The following EXOC4 variants were observed in gnomAD, a reference collection of about 807,000 sequenced individuals.
EXOC4 encodes SEC8-like 1.
EXOC4 carries 71 observed loss-of-function variants against 107.2 expected under a neutral mutation model. The ratio of observed to expected loss-of-function variants is 0.66; its 90% CI spans 0.55 to 0.81. EXOC4 has a LOEUF of 0.81. Ranked by LOEUF, EXOC4 falls within the 30% of genes least tolerant of loss-of-function variation. The pLI is 0.00. For missense variants in EXOC4, 1,108 were observed against 1,189.6 expected (o/e 0.93, Z 1.01); for synonymous variants, 456 against 441.2 (o/e 1.03, Z -0.42).
At chr7:133,957,201 G>A (rs562118432) in intron 14 of EXOC4, among the ~76,000 whole-genome samples, 9 of 152,020 alleles carry the variant, frequency 5.9e-5, no homozygotes, top group Non-Finnish European at 1.3e-4. Flanking sequence ...TCATTGAATG[G>A]ATTGTTCACA....
At chr7:133,265,117 CG>C (rs1401166867) in intron 1 of EXOC4, among the ~76,000 whole-genome samples, 1 of 151,870 alleles carries the variant, frequency 6.6e-6, no homozygotes, top group African/African-American at 2.4e-5. Context: ...TTTCTTGCAT[CG>C]GGATGAGTAG....
intron 7 of EXOC4, among the ~76,000 whole-genome samples, chr7:133,380,930 C>G (rs929400031): frequency 2.6e-5 from 4 of 152,152 alleles, no homozygotes; most frequent in African/African-American, 2.4e-5. Context: ...TGGCAGTGTT[C>G]TTTGCATTTT....
chr7:133,414,793 A>G (rs898528149), intron 7 of EXOC4, among the ~76,000 whole-genome samples: 2 of 152,176 alleles, frequency 1.3e-5, no homozygotes, highest in African/African-American at 2.4e-5. Context: ...CATACAGTTT[A>G]CCAATTCAAA....
intron 7 of EXOC4, among the ~76,000 whole-genome samples, chr7:133,470,474 G>A (rs1211000264): frequency 6.6e-6 from 1 of 152,098 alleles, no homozygotes; most frequent in Non-Finnish European, 1.5e-5. Context: ...AAAACACTCT[G>A]TATCTTTATT....
chr7:134,027,833 C>G (rs1232357308), intron 17 of EXOC4, among the ~76,000 whole-genome samples: 1 of 152,082 alleles, frequency 6.6e-6, no homozygotes, highest in Non-Finnish European at 1.5e-5. Flanking sequence ...TGAGTAGGAC[C>G]TTAGAGATGG....
In EXOC4 at chr7:133,274,870, A is replaced by G. The variant is rs565237492; in HGVS notation, c.87-112A>G. ...TTGTAACTTATTTCATTTCCTAGTT[A>G]ATAAGATGAATGTGCTTCACCTTCC... On this transcript the variant is annotated intron_variant, in intron 1 of 17. Transcript: ENST00000253861. The G allele has an allele frequency of 9.8e-5, 77 of 786,198 alleles. 1 individual carries two copies. In the Admixed American group the frequency reaches 1.4e-3, roughly 15 times the overall value. The allele number at this position is 786,198 out of a possible 1,614,324, so 48.7% of individuals were successfully genotyped here.
intron 10 of EXOC4, among the ~76,000 whole-genome samples, chr7:133,777,610 G>A (rs531327221): frequency 2.0e-5 from 3 of 152,348 alleles, no homozygotes; most frequent in Admixed American, 6.5e-5. Context: ...GTAGTAGAAA[G>A]TGGATGAGTA....
intron 12 of EXOC4, among the ~76,000 whole-genome samples, chr7:133,904,677 G>A (rs555219276): frequency 8.5e-5 from 13 of 152,264 alleles, no homozygotes; most frequent in South Asian, 6.2e-4. Flanking sequence ...TCTCAGGATT[G>A]GGAAAAGTAT....
At chr7:134,031,899 G>A (rs868277636) in intron 17 of EXOC4, among the ~76,000 whole-genome samples, 1 of 152,174 alleles carries the variant, frequency 6.6e-6, no homozygotes, top group African/African-American at 2.4e-5. Flanking sequence ...AATAAGCAGT[G>A]AGTTTGTAAA....
chr7:133,577,445 T>G (rs1184662554), intron 9 of EXOC4, among the ~76,000 whole-genome samples: 1 of 152,218 alleles, frequency 6.6e-6, no homozygotes, highest in African/African-American at 2.4e-5. Context: ...TTCCAATGAT[T>G]ACTATCAAAT....
intron 13 of EXOC4, among the ~76,000 whole-genome samples, chr7:133,935,139 T>C (rs982750076): frequency 6.6e-6 from 1 of 151,994 alleles, no homozygotes; most frequent in Non-Finnish European, 1.5e-5. Context: ...CCCACCATCT[T>C]TGGGCTCCAT....
intron 10 of EXOC4, among the ~76,000 whole-genome samples, chr7:133,655,390 T>C (rs903883399): frequency 3.9e-5 from 6 of 152,184 alleles, no homozygotes; most frequent in Admixed American, 2.6e-4. Context: ...TACACTGTTA[T>C]TAGCTATAGT....
intron 14 of EXOC4, among the ~76,000 whole-genome samples, chr7:133,989,618 A>G (rs1261841290): frequency 2.0e-5 from 3 of 152,338 alleles, no homozygotes. Flanking sequence ...ATTCAGAGAT[A>G]GCAGAGAGCC....
rs200873502 is a variant in EXOC4, at chr7:134,007,713, T to C, written c.2565T>C (p.Gly855=). The C allele has an allele frequency of 1.7e-5, 28 of 1,613,454 alleles. No homozygotes were observed. Among genetic ancestry groups the C allele is most frequent in the Non-Finnish European group, 2.4e-5 (28 of 1,179,730 alleles). The change falls in exon 17 of 18, where the codon GGT becomes GGC. Residue 855 remains glycine (G), a synonymous_variant. Transcript: ENST00000253861. ...GHLISCILIN[G]AQYFRRISES... is the part of the protein sequence containing the mutation. ...TGATCTCCTGCATCCTCATTAATGG[T>C]GCCCAGTACTTCAGGCGCATCAGTG...
chr7:133,889,380 T>C (rs1799156915), intron 11 of EXOC4, among the ~76,000 whole-genome samples: 1 of 151,302 alleles, frequency 6.6e-6, no homozygotes, highest in South Asian at 2.1e-4. Flanking sequence ...CTTTTTTTTT[T>C]TTCAGAGTCC....
chr7:133,402,510 A>G (rs2150733316), intron 7 of EXOC4, among the ~76,000 whole-genome samples: 1 of 152,140 alleles, frequency 6.6e-6, no homozygotes, highest in Non-Finnish European at 1.5e-5. Context: ...TCATTTATTT[A>G]TTTTTTGAGA....
rs1381161013 is a variant in EXOC4 at position 133,506,149 on chromosome 7, G to A, written c.1417+26011G>A. Among the ~76,000 whole-genome samples the A allele has an allele frequency of 3.3e-5, 5 of 152,116 alleles. No individual in the cohort carries two copies. In the East Asian group the frequency reaches 7.7e-4, roughly 23 times the overall value. On this transcript the variant is annotated intron_variant, in intron 9 of 17. Coordinates refer to ENST00000253861, the MANE Select transcript of EXOC4 (RefSeq NM_021807.4). The stretch of plus-strand genomic sequence containing the variant: ...ATTTGGCAGTTGGATGACAGGATAT[G>A]TTTTAGAATACCTGAATAAATTAGG...
At chr7:133,708,269 TATC>T (rs1195171229) in intron 10 of EXOC4, among the ~76,000 whole-genome samples, 2 of 152,344 alleles carry the variant, frequency 1.3e-5, no homozygotes, top group East Asian at 3.9e-4. Flanking sequence ...AGGCATTTAT[TATC>T]ATAATCTCTT....
At chr7:134,034,019 A>C (rs1239415762) in intron 17 of EXOC4, among the ~76,000 whole-genome samples, 1 of 152,188 alleles carries the variant, frequency 6.6e-6, no homozygotes, top group Admixed American at 6.5e-5. Flanking sequence ...ACTTTTTGAG[A>C]ATGCATTTAA....
Sources: allele counts gnomAD v4.1 joint callset (sites outside exome capture counted in the v4.1 genomes callset), GRCh38; gene constraint gnomAD v4.1.1; transcripts MANE v1.5; gene names NCBI Gene and HGNC (gene_info 2026-07-23, HGNC 2026-07-21).